Variants in MTFR1 observed in about 807,000 individuals in gnomAD.
MTFR1 encodes the protein chondrocyte protein with a poly-proline region.
MTFR1 carries 28 observed loss-of-function variants against 38.8 expected under a neutral mutation model. That is an observed-to-expected ratio of 0.72 (90% CI 0.53 to 0.99). MTFR1 has a LOEUF of 0.99. MTFR1 is among the 50% of genes least tolerant of loss of function. MTFR1 has a pLI of 0.00. For missense variants in MTFR1, 358 were observed against 395.5 expected, an observed-to-expected ratio of 0.91 and a Z score of 0.81; for synonymous variants, 145 against 137.0, an observed-to-expected ratio of 1.06 and a Z score of -0.41.
chr8:65,753,555 C>A (rs1225620213), intron 3 of MTFR1, among the ~76,000 whole-genome samples: 2 of 144,796 alleles, frequency 1.4e-5, no homozygotes, highest in Admixed American at 6.8e-5. Context: ...ATTAAGACTT[C>A]TTTGTGTCCT....
At chr8:65,711,311 C>A (rs568124332), downstream of MTFR1, among the ~76,000 whole-genome samples, 1 of 152,240 alleles carries the variant, frequency 6.6e-6, no homozygotes, top group South Asian at 2.1e-4. Context: ...TTAGGAATGC[C>A]TATGTGTCTG....
intron 1 of MTFR1, among the ~76,000 whole-genome samples, chr8:65,649,642 A>G (rs1037788256): frequency 2.6e-5 from 4 of 152,192 alleles, no homozygotes; most frequent in African/African-American, 9.7e-5. Flanking sequence ...TCTTTGTGTT[A>G]CAAACAATCC....
chr8:65,692,212 ATAACT>A (rs1805301631), intron 3 of MTFR1, among the ~76,000 whole-genome samples: 1 of 152,170 alleles, frequency 6.6e-6, no homozygotes, highest in Admixed American at 6.5e-5. Context: ...TATTAATCTG[ATAACT>A]TTATTTAAAA....
At chr8:65,657,706 T>TA (rs59682546) in intron 1 of MTFR1, among the ~76,000 whole-genome samples, 325 of 132,604 alleles carry the variant, frequency 2.5e-3, no homozygotes, top group African/African-American at 2.8e-3. Context: ...AGACTGTCTC[T>TA]AAAAAAAAAA....
intron 3 of MTFR1, among the ~76,000 whole-genome samples, chr8:65,688,858 A>G (rs141557799): frequency 6.6e-6 from 1 of 152,018 alleles, no homozygotes; most frequent in African/African-American, 2.4e-5. Flanking sequence ...GAATATGTAT[A>G]TGTGGGCTGG....
intron 3 of MTFR1, among the ~76,000 whole-genome samples, chr8:65,761,481 CTATT>C (rs1206006814): frequency 6.6e-6 from 1 of 152,212 alleles, no homozygotes; most frequent in Non-Finnish European, 1.5e-5. Context: ...CAAGCCTGGA[CTATT>C]TATTTTAAGT....
intron 3 of MTFR1, among the ~76,000 whole-genome samples, chr8:65,725,884 T>C (rs2129066102): frequency 6.6e-6 from 1 of 152,300 alleles, no homozygotes; most frequent in Admixed American, 6.5e-5. Flanking sequence ...ATAATTTACA[T>C]ATACAGTGTG....
intron 3 of MTFR1, among the ~76,000 whole-genome samples, chr8:65,686,815 T>A (rs1421770393): frequency 3.3e-5 from 5 of 150,562 alleles, no homozygotes; most frequent in Non-Finnish European, 5.9e-5. Flanking sequence ...CCCAGCTACT[T>A]AGGAGGCTGA....
At chr8:65,713,498 CAAAAAT>C (rs1806018583), downstream of MTFR1, among the ~76,000 whole-genome samples, 1 of 144,126 alleles carries the variant, frequency 6.9e-6, no homozygotes, top group African/African-American at 2.6e-5. Context: ...AAAACAAAAA[CAAAAAT>C]GTGTTTCTCT....
intron 2 of MTFR1, among the ~76,000 whole-genome samples, chr8:65,673,737 A>G (rs1358812432): frequency 6.6e-6 from 1 of 151,850 alleles, no homozygotes; most frequent in African/African-American, 2.4e-5. Context: ...CCCCATCTCT[A>G]CTAAAAATAC....
chr8:65,681,207 C>T (rs998048363), intron 2 of MTFR1, among the ~76,000 whole-genome samples: 10 of 152,050 alleles, frequency 6.6e-5, no homozygotes, highest in African/African-American at 1.2e-4. Flanking sequence ...CCACCGCGCC[C>T]GGCCTGGGTT....
intron 3 of MTFR1, chr8:65,734,917 G>A (rs539986176): frequency 2.0e-5 from 29 of 1,439,222 alleles, no homozygotes; most frequent in Non-Finnish European, 2.4e-5. Context: ...AAGAGATCCC[G>A]ATTTTATTGT....
At chr8:65,673,252 G>T (rs1453259661) in intron 2 of MTFR1, among the ~76,000 whole-genome samples, 1 of 152,138 alleles carries the variant, frequency 6.6e-6, no homozygotes, top group African/African-American at 2.4e-5. Flanking sequence ...TAGCTGGTGG[G>T]TGGAACAGTC....
chr8:65,652,832 TA>T (rs772535370), intron 1 of MTFR1, among the ~76,000 whole-genome samples: 2 of 152,240 alleles, frequency 1.3e-5, no homozygotes, highest in Non-Finnish European at 2.9e-5. Flanking sequence ...CTTCCTTTCC[TA>T]TTTGGATGTC....
rs372444457 is a variant in MTFR1, at chr8:65,663,292, T to C, written c.-80-6581T>C. ...CACTCAGGGTTGAATGGATTAAGGG[T>C]GGTGCAAGATGTGCTTTGTTAAACA... On this transcript the variant is annotated intron_variant, in intron 1 of 7. Transcript: ENST00000262146. Among the ~76,000 whole-genome samples, 9 of 152,166 alleles carry C rather than the reference T, an allele frequency of 5.9e-5. No individual in the cohort carries two copies. The South Asian group carries it at 1.5e-3, about 25-fold the overall frequency.
At chr8:65,658,538 A>G (rs1241390003) in intron 1 of MTFR1, among the ~76,000 whole-genome samples, 1 of 152,216 alleles carries the variant, frequency 6.6e-6, no homozygotes, top group Non-Finnish European at 1.5e-5. Flanking sequence ...ATGCTAGAGT[A>G]GAGTAGATAG....
At chr8:65,682,293 T>C (rs1804917992) in intron 2 of MTFR1, 60 bp from the exon 3 acceptor site, 2 of 798,146 alleles carry the variant, frequency 2.5e-6, no homozygotes, top group Non-Finnish European at 3.9e-6. Flanking sequence ...TGTCTAATGC[T>C]TTGTCTTAAC....
At chr8:65,734,318 C>T (rs60112143) in intron 3 of MTFR1, among the ~76,000 whole-genome samples, 3,865 of 152,330 alleles carry the variant, frequency 0.025, 158 homozygotes, top group African/African-American at 0.087. Context: ...AAACTATCCA[C>T]ATCCCTACTT....
downstream of MTFR1, among the ~76,000 whole-genome samples, chr8:65,774,470 G>A (rs1809200687): frequency 6.6e-6 from 1 of 152,148 alleles, no homozygotes; most frequent in Admixed American, 6.5e-5. Flanking sequence ...GGCTTTTAGA[G>A]AGATAACTCT....
Sources: allele counts gnomAD v4.1 joint callset (sites outside exome capture counted in the v4.1 genomes callset), GRCh38; gene constraint gnomAD v4.1.1; transcripts MANE v1.5; gene names NCBI Gene and HGNC (gene_info 2026-07-23, HGNC 2026-07-21).